Variants in REV3L observed in about 807,000 individuals in gnomAD.
The protein encoded by REV3L is REV3 like, DNA directed polymerase zeta catalytic subunit, also known as DNA polymerase zeta catalytic subunit.
In REV3L, 69 loss-of-function variants were observed where a neutral mutation model predicts 299.4. The ratio of observed to expected loss-of-function variants is 0.23; its 90% CI spans 0.19 to 0.28. REV3L has a LOEUF of 0.28. REV3L is among the 10% of genes least tolerant of loss of function. The pLI, the probability that REV3L is intolerant of heterozygous loss-of-function variation, is 1.00. For missense variants in REV3L, 3,128 were observed against 3,693.8 expected (o/e 0.85, Z 3.97); for synonymous variants, 1,238 against 1,271.4 (o/e 0.97, Z 0.56).
rs772850133 is a variant in REV3L at position 111,333,284 on chromosome 6, C to A, written c.7764G>T (p.Gln2588His). ...GAGGAACACACTGTGGGGCTCTCATCTGGGATCTTTGCTGAACACTAGGTG... is the reference window on the plus strand; with the variant it reads ...GAGGAACACACTGTGGGGCTCTCATATGGGATCTTTGCTGAACACTAGGTG... ...PVTPSVQQRS[Q>H]MRAPQCVPLI... Residue 2588 changes from glutamine (Q) to histidine (H), a missense_variant, in exon 23 of 32, where the codon CAG becomes CAT. Physicochemically the swap from Gln to His is conservative, Grantham distance 24. This residue lies in a region of REV3L where 149 missense variants were observed against 286.4 expected (regional missense o/e 0.52). Coordinates refer to ENST00000368802, the MANE Select transcript of REV3L (RefSeq NM_001372078.1). 3 of 1,613,970 alleles carry A rather than the reference C, an allele frequency of 1.9e-6. No homozygotes were observed. In the African/African-American group the frequency reaches 4.0e-5, roughly 22 times the overall value.
At chr6:111,475,524 C>T (rs1210569838) in intron 1 of REV3L, among the ~76,000 whole-genome samples, 1 of 152,142 alleles carries the variant, frequency 6.6e-6, no homozygotes, top group African/African-American at 2.4e-5. Flanking sequence ...CCGAGTTATA[C>T]TATACATAAC....
At chr6:111,421,330 T>C (rs1302531052) in intron 1 of REV3L, among the ~76,000 whole-genome samples, 2 of 152,202 alleles carry the variant, frequency 1.3e-5, no homozygotes, top group African/African-American at 4.8e-5. Context: ...AGACTAAATG[T>C]ACCATTCCTC....
intron 9 of REV3L, among the ~76,000 whole-genome samples, chr6:111,385,295 G>A (rs1781236558): frequency 6.6e-6 from 1 of 151,984 alleles, no homozygotes; most frequent in African/African-American, 2.4e-5. Context: ...TTGAGGTTAT[G>A]GATACCCCAT....
At chr6:111,368,053 CTG>C (rs1779406544) in intron 13 of REV3L, 25 bp from the exon 14 acceptor site, 4 of 1,539,684 alleles carry the variant, frequency 2.6e-6, no homozygotes, top group Non-Finnish European at 3.5e-6. Context: ...TTTAGAACAA[CTG>C]TTTTGTTTCA....
intron 25 of REV3L, among the ~76,000 whole-genome samples, chr6:111,323,428 A>G (rs886931883): frequency 1.3e-5 from 2 of 152,248 alleles, no homozygotes; most frequent in African/African-American, 4.8e-5. Flanking sequence ...ATTAAAGTTA[A>G]TGCTGAACTT....
chr6:111,483,645 G>A, upstream of REV3L: 3 of 430,378 alleles, frequency 7.0e-6, no homozygotes, highest in East Asian at 9.3e-5. Context: ...GGGGGCAGCC[G>A]CTGAGACGGT....
chr6:111,351,569 G>C (rs1777569995), intron 19 of REV3L, 107 bp downstream of exon 19: 2 of 664,406 alleles, frequency 3.0e-6, no homozygotes, highest in Non-Finnish European at 5.1e-6. Flanking sequence ...ACACAACTTA[G>C]TACTAAAAAA....
chr6:111,301,779 A>G (rs1166631888), intron 31 of REV3L, among the ~76,000 whole-genome samples: 1 of 152,232 alleles, frequency 6.6e-6, no homozygotes, highest in Non-Finnish European at 1.5e-5. Flanking sequence ...ACAATGATCA[A>G]TTTTTAAAAA....
At chr6:111,316,996 C>G (rs1205149413) in intron 26 of REV3L, among the ~76,000 whole-genome samples, 1 of 152,082 alleles carries the variant, frequency 6.6e-6, no homozygotes, top group South Asian at 2.1e-4. Flanking sequence ...TATTCTACAA[C>G]CTGACCACCA....
chr6:111,406,459 T>C (rs1562263126), intron 3 of REV3L, among the ~76,000 whole-genome samples: 1 of 152,148 alleles, frequency 6.6e-6, no homozygotes. Flanking sequence ...ATCACCAGAC[T>C]AGCTATAGAA....
rs1276529150 is a variant in REV3L at position 111,381,354 on chromosome 6, G to A, written c.1187C>T (p.Thr396Ile). 1 of 1,613,418 alleles carries A rather than the reference G, an allele frequency of 6.2e-7. No individual in the cohort carries two copies. Among genetic ancestry groups the A allele is most frequent in the East Asian group, 2.2e-5 (1 of 44,780 alleles). The change falls in exon 10 of 32, where the codon ACC becomes ATC. Residue 396 changes from threonine (T) to isoleucine (I), a missense_variant. Transcript: ENST00000368802. ...AACAGGTGACTCACTCAGTCTTTGG[G>A]TCAAAGGCTGAAAAGTCTGACTATT... ...MENSQTFQPL[T>I]QRLSESPVFM...
chr6:111,346,682 A>G (rs1466546504), intron 20 of REV3L, among the ~76,000 whole-genome samples: 1 of 152,160 alleles, frequency 6.6e-6, no homozygotes, highest in Admixed American at 6.5e-5. Flanking sequence ...CCCAGCTCAT[A>G]ACTTTCTTAC....
At chr6:111,300,276 C>G in intron 31 of REV3L, 120 bp from the exon 32 acceptor site, 1 of 666,342 alleles carries the variant, frequency 1.5e-6, no homozygotes. Flanking sequence ...ACATACATTA[C>G]AGAAACTTTC....
At chr6:111,439,376 C>A (rs1787970259) in intron 1 of REV3L, among the ~76,000 whole-genome samples, 1 of 152,132 alleles carries the variant, frequency 6.6e-6, no homozygotes, top group Admixed American at 6.6e-5. Flanking sequence ...GCAAGGGGGA[C>A]AAGAGGCTTG....
intron 1 of REV3L, chr6:111,430,869 C>T (rs1039572146): frequency 1.2e-6 from 2 of 1,604,496 alleles, no homozygotes; most frequent in African/African-American, 1.3e-5. Flanking sequence ...GACGGAACAA[C>T]AATGTTGGGA....
intron 31 of REV3L, among the ~76,000 whole-genome samples, chr6:111,304,886 A>AT (rs983330003): frequency 2.0e-5 from 3 of 151,070 alleles, no homozygotes; most frequent in African/African-American, 7.3e-5. Flanking sequence ...TTTGCTTAGG[A>AT]TAATAGCCCC....
Position 111,373,423 on chromosome 6 carries a change from A to G in REV3L, c.4932T>C (p.Asn1644=). 1 of 1,613,452 alleles carries G rather than the reference A, an allele frequency of 6.2e-7. No homozygotes were observed. The highest frequency in any genetic ancestry group is 8.5e-7 in the Non-Finnish European group (1 of 1,179,806). Residue 1644 remains asparagine (N), a synonymous_variant, in exon 13 of 32, where the codon AAT becomes AAC. Coordinates refer to ENST00000368802, the MANE Select transcript of REV3L (RefSeq NM_001372078.1). ...CTATTGTGTTAATATCAAAATTATA[A>G]TTATGTTCAGGAGATAAACTATCTT... is the stretch of plus-strand genomic sequence containing the variant. ...SLEDSLSPEH[N]YNFDINTIGQ... is the part of the protein sequence containing the mutation.
chr6:111,334,488 TA>T lies in REV3L; in HGVS notation c.7680+980del, dbSNP rs950574509. ...TTTTGTTGTGGAAATAATTAAAAAA[TA>T]AAAAAAAAGAACTGAATAGTAATCA... On this transcript the variant is annotated intron_variant, in intron 22 of 31. Coordinates refer to ENST00000368802, the MANE Select transcript of REV3L (RefSeq NM_001372078.1). 3.4e-4 allele frequency among the ~76,000 whole-genome samples: 51 copies of T among 150,466 alleles called. No homozygotes were observed. The South Asian group carries it at 7.5e-3, about 22-fold the overall frequency.
intron 1 of REV3L, among the ~76,000 whole-genome samples, chr6:111,454,531 T>C (rs1789946458): frequency 2.6e-5 from 4 of 152,248 alleles, no homozygotes; most frequent in African/African-American, 9.6e-5. Flanking sequence ...TCTGTACCCA[T>C]TAAATAATAA....
Sources: allele counts gnomAD v4.1 joint callset (sites outside exome capture counted in the v4.1 genomes callset), GRCh38; gene constraint gnomAD v4.1.1; regional missense constraint gnomAD v4.1.1; transcripts MANE v1.5; gene names NCBI Gene and HGNC (gene_info 2026-07-23, HGNC 2026-07-21).